RASEF: variants seen among roughly 807,000 people sequenced by gnomAD.
RASEF encodes the protein RAS and EF-hand domain containing.
A neutral mutation model predicts 90.1 loss-of-function variants in RASEF; 68 were observed. The ratio of observed to expected loss-of-function variants is 0.75; its 90% CI spans 0.62 to 0.92. RASEF has a LOEUF of 0.92. RASEF is among the 40% of genes least tolerant of loss of function. RASEF has a pLI of 0.00. For missense variants in RASEF, 949 were observed against 937.2 expected (o/e 1.01, Z -0.16); for synonymous variants, 331 against 345.2 (o/e 0.96, Z 0.46).
chr9:83,025,944 T>C lies in RASEF; in HGVS notation c.432-23A>G, dbSNP rs747952483. 5 of 1,532,592 alleles carry C rather than the reference T, an allele frequency of 3.3e-6. No individual in the cohort carries two copies. In the Admixed American group the frequency reaches 8.6e-5, roughly 26 times the overall value. The allele number at this position is 1,532,592 out of a possible 1,614,324, so 94.9% of individuals were successfully genotyped here. The stretch of plus-strand genomic sequence containing the variant: ...TCTCTGCCAAATAAATAAATAAAAA[T>C]TAAACCAATTATAAAATTTTAAAGG... On this transcript the variant is annotated intron_variant, in intron 1 of 16. Transcript: ENST00000376447.
the RASEF span, among the ~76,000 whole-genome samples, chr9:83,138,859 ACTTAT>A: frequency 6.6e-6 from 1 of 152,070 alleles, no homozygotes; most frequent in African/African-American, 2.4e-5. Flanking sequence ...AAATGATAAG[ACTTAT>A]CTGTGGTTGC....
chr9:83,089,908 A>AGAT, the RASEF span, among the ~76,000 whole-genome samples: 9 of 134,170 alleles, frequency 6.7e-5, no homozygotes, highest in African/African-American at 2.0e-4. Flanking sequence ...ATAGATAGAT[A>AGAT]GATAGATAGA....
At chr9:83,042,525 G>A (rs183665481) in intron 1 of RASEF, among the ~76,000 whole-genome samples, 22 of 152,168 alleles carry the variant, frequency 1.4e-4, no homozygotes, top group African/African-American at 5.3e-4. Context: ...TCTCTAAGTG[G>A]CTGAATTTCT....
chr9:83,193,042 A>G, the RASEF span, among the ~76,000 whole-genome samples: 2 of 152,238 alleles, frequency 1.3e-5, no homozygotes, highest in African/African-American at 2.4e-5. Context: ...GGTGTGAAGT[A>G]TAGAATGGAT....
rs189064365 is a variant in RASEF at position 82,987,344 on chromosome 9, A to T, written c.2117+3047T>A. Among the ~76,000 whole-genome samples the T allele has an allele frequency of 3.0e-3, 460 of 152,252 alleles. 4 individuals are homozygous for T. Among genetic ancestry groups the T allele is most frequent in the African/African-American group, 0.01 (431 of 41,556 alleles). ...ATAATGCAATAACAATAAAACAAAA[A>T]CCTCTATGATAAATGATTCGCAAGA... On this transcript the variant is annotated intron_variant, in intron 16 of 16. Coordinates refer to ENST00000376447, the MANE Select transcript of RASEF (RefSeq NM_152573.4).
intron 1 of RASEF, among the ~76,000 whole-genome samples, chr9:83,028,735 T>C (rs1829589594): frequency 6.6e-6 from 1 of 152,216 alleles, no homozygotes; most frequent in African/African-American, 2.4e-5. Context: ...TGTATATGCA[T>C]CCTCTCTTCA....
At chr9:83,033,501 G>C (rs978227516) in intron 1 of RASEF, among the ~76,000 whole-genome samples, 4 of 152,184 alleles carry the variant, frequency 2.6e-5, no homozygotes, top group Non-Finnish European at 4.4e-5. Context: ...CACAGCGTCA[G>C]GCAGGAGAGC....
intron 1 of RASEF, among the ~76,000 whole-genome samples, chr9:83,058,475 C>T (rs1268169971): frequency 1.4e-5 from 2 of 147,980 alleles, no homozygotes; most frequent in Non-Finnish European, 2.9e-5. Flanking sequence ...AGCCACCGCG[C>T]CCGGCCGTAT....
the RASEF span, among the ~76,000 whole-genome samples, chr9:83,153,636 A>G: frequency 6.6e-6 from 1 of 152,218 alleles, no homozygotes; most frequent in African/African-American, 2.4e-5. Context: ...AAGACTTACA[A>G]ATGCCACCCC....
Position 83,047,554 on chromosome 9 carries a change from T to C in RASEF, c.431+14883A>G, listed in dbSNP as rs187414658. On this transcript the variant is annotated intron_variant, in intron 1 of 16. Transcript: ENST00000376447. Reference sequence around the variant, plus strand: ...AGCTTCAGATGAAGAGAAAGAAAAATATCGGAGTGATAGGTATCCTGGACA... The same window carrying C: ...AGCTTCAGATGAAGAGAAAGAAAAACATCGGAGTGATAGGTATCCTGGACA... Among the ~76,000 whole-genome samples the C allele has an allele frequency of 2.7e-3, 407 of 152,128 alleles. 4 individuals are homozygous for C. Among genetic ancestry groups the C allele is most frequent in the Middle Eastern group, 0.017 (5 of 294 alleles).
intron 1 of RASEF, among the ~76,000 whole-genome samples, chr9:83,060,043 G>A (rs772885261): frequency 8.5e-5 from 13 of 152,076 alleles, no homozygotes; most frequent in Non-Finnish European, 1.5e-4. Context: ...AATCAACAGT[G>A]TCATGCTTTG....
At chr9:83,088,650 C>T in the RASEF span, among the ~76,000 whole-genome samples, 10 of 151,962 alleles carry the variant, frequency 6.6e-5, no homozygotes, top group Non-Finnish European at 8.8e-5. Context: ...GATAGATTGA[C>T]TCATATTATA....
chr9:83,144,322 A>AGAAG, the RASEF span, among the ~76,000 whole-genome samples: 21 of 114,290 alleles, frequency 1.8e-4, no homozygotes, highest in South Asian at 6.0e-4. Flanking sequence ...AAAGAAAGAA[A>AGAAG]GAAGGAAAGA....
the RASEF span, among the ~76,000 whole-genome samples, chr9:83,156,714 T>C: frequency 6.6e-6 from 1 of 152,228 alleles, no homozygotes; most frequent in South Asian, 2.1e-4. Context: ...AGAACAATTC[T>C]GGGTTGTGCC....
chr9:83,146,784 G>A, the RASEF span, among the ~76,000 whole-genome samples: 3 of 152,040 alleles, frequency 2.0e-5, no homozygotes, highest in Non-Finnish European at 2.9e-5. Context: ...CAAGTATTAT[G>A]TTGGGCTTCT....
chr9:83,043,902 C>A, intron 1 of RASEF, among the ~76,000 whole-genome samples: 1 of 152,142 alleles, frequency 6.6e-6, no homozygotes. Context: ...CTTCTAGAAA[C>A]GCCCTTGACT....
chr9:83,020,754 T>C lies in RASEF; in HGVS notation c.669+1582A>G, dbSNP rs182000009. ...AATATCCCCATTACCAGCAACAAAT[T>C]TGGGAGGCATTTATCTGGAAGAAGC... is the stretch of plus-strand genomic sequence containing the variant. On this transcript the variant is annotated intron_variant, in intron 3 of 16. Coordinates refer to ENST00000376447, the MANE Select transcript of RASEF (RefSeq NM_152573.4). 3.1e-3 allele frequency among the ~76,000 whole-genome samples: 467 copies of C among 152,076 alleles called. 4 individuals are homozygous for C. Among genetic ancestry groups the C allele is most frequent in the Middle Eastern group, 0.02 (6 of 294 alleles).
At chr9:83,171,575 T>C in the RASEF span, among the ~76,000 whole-genome samples, 3 of 151,968 alleles carry the variant, frequency 2.0e-5, no homozygotes, top group Admixed American at 6.6e-5. Flanking sequence ...TTTTCTATGA[T>C]GGGAAAATTT....
the RASEF span, among the ~76,000 whole-genome samples, chr9:83,147,010 A>ATGTGTG: frequency 7.0e-6 from 1 of 143,668 alleles, no homozygotes; most frequent in Non-Finnish European, 1.5e-5. Flanking sequence ...GCGTGTGTAT[A>ATGTGTG]TGTGTGTGTG....
Sources: allele counts gnomAD v4.1 joint callset (sites outside exome capture counted in the v4.1 genomes callset), GRCh38; gene constraint gnomAD v4.1.1; transcripts MANE v1.5; gene names NCBI Gene and HGNC (gene_info 2026-07-23, HGNC 2026-07-21).